Variants in ITIH5 observed in about 807,000 individuals in gnomAD.
ITIH5 encodes the protein inter-alpha-trypsin inhibitor heavy chain 5.
Under a neutral mutation model 77.5 loss-of-function variants are expected in ITIH5, and 65 were observed. That is an observed-to-expected ratio of 0.84 (90% confidence interval 0.69 to 1.03). The LOEUF (loss-of-function observed/expected upper bound fraction) is 1.03, where lower values mean the gene tolerates loss of function less well. Among genes scored for constraint, ITIH5 ranks in the 50% least tolerant of loss-of-function variants. The pLI is 0.00. For missense variants in ITIH5, 1,208 were observed against 1,213.1 expected, an observed-to-expected ratio of 1.00 and a Z score of 0.06; for synonymous variants, 525 against 494.3, an observed-to-expected ratio of 1.06 and a Z score of -0.82.
At chr10:7,590,928 T>A (rs1832781146) in intron 7 of ITIH5, among the ~76,000 whole-genome samples, 1 of 152,204 alleles carries the variant, frequency 6.6e-6, no homozygotes. Context: ...GACAGAGTCT[T>A]GCTCTGTCAC....
chr10:7,607,782 C>A (rs191039341), intron 7 of ITIH5, among the ~76,000 whole-genome samples: 3 of 152,368 alleles, frequency 2.0e-5, no homozygotes, highest in Admixed American at 1.3e-4. Flanking sequence ...CCATTGCACT[C>A]CGGCCTGTGC....
intron 7 of ITIH5, among the ~76,000 whole-genome samples, chr10:7,590,249 T>C (rs4584472): frequency 0.28 from 43,125 of 151,984 alleles, 6,446 homozygotes; most frequent in East Asian, 0.49. Flanking sequence ...GAAGCCTGGA[T>C]GTCAGGCCCT....
intron 7 of ITIH5, among the ~76,000 whole-genome samples, chr10:7,589,707 C>A (rs904147549): frequency 6.6e-6 from 1 of 151,894 alleles, no homozygotes; most frequent in African/African-American, 2.4e-5. Flanking sequence ...CTGACTGCAG[C>A]GGTTTCCCGT....
At chr10:7,577,774 G>T (rs1832455390) in intron 9 of ITIH5, among the ~76,000 whole-genome samples, 1 of 152,172 alleles carries the variant, frequency 6.6e-6, no homozygotes, top group African/African-American at 2.4e-5. Flanking sequence ...TGTGTCTTGG[G>T]ACATGTGACT....
At chr10:7,628,040 C>T (rs1833615549) in intron 5 of ITIH5, among the ~76,000 whole-genome samples, 1 of 151,904 alleles carries the variant, frequency 6.6e-6, no homozygotes, top group South Asian at 2.1e-4. Flanking sequence ...GGGGTTTCGC[C>T]ATGTTGGCCA....
At chr10:7,616,471 A>G (rs1161549684) in intron 6 of ITIH5, among the ~76,000 whole-genome samples, 1 of 152,172 alleles carries the variant, frequency 6.6e-6, no homozygotes, top group African/African-American at 2.4e-5. Context: ...ATAGGTTTTA[A>G]TATCCCCACC....
chr10:7,635,890 T>C (rs1041918475), intron 5 of ITIH5, among the ~76,000 whole-genome samples: 5 of 152,218 alleles, frequency 3.3e-5, no homozygotes, highest in Admixed American at 3.3e-4. Flanking sequence ...TGGGTCATTC[T>C]ATGATTGTGC....
intron 11 of ITIH5, chr10:7,570,367 G>A (rs1564234757): frequency 6.6e-6 from 1 of 152,464 alleles, no homozygotes; most frequent in East Asian, 1.9e-4. Flanking sequence ...TAGGCGGCCA[G>A]GCGCACAGTC....
rs752092484 is a variant in ITIH5, at chr10:7,634,088, C to CAAA, written c.652+3137_652+3139dup. Among the ~76,000 whole-genome samples the CAAA allele has an allele frequency of 3.3e-3, 196 of 59,934 alleles. 3 individuals are homozygous for CAAA. Among genetic ancestry groups the CAAA allele is most frequent in the Non-Finnish European group, 4.2e-3 (137 of 32,474 alleles). 39.3% of individuals were successfully genotyped at this position (59,934 alleles called of 152,430 possible). A position where few individuals can be genotyped will look rare whatever the true frequency, so the allele number is the denominator to read the frequency against. ...TGGGCGACAGAGCAAGACTCCGTCT[C>CAAA]AAAAAAAAAAAAAAAAAAAAAGGAA... On this transcript the variant is annotated intron_variant, in intron 5 of 13. Coordinates refer to ENST00000397146, the MANE Select transcript of ITIH5 (RefSeq NM_030569.7).
intron 8 of ITIH5, among the ~76,000 whole-genome samples, chr10:7,584,116 G>A (rs1832623643): frequency 6.6e-6 from 1 of 152,136 alleles, no homozygotes; most frequent in Non-Finnish European, 1.5e-5. Flanking sequence ...AACCCAGGCA[G>A]TCTGGCTTCC....
chr10:7,600,554 T>C (rs1832993912), intron 7 of ITIH5: 1 of 456,712 alleles, frequency 2.2e-6, no homozygotes, highest in African/African-American at 2.0e-5. Context: ...CCCTTTCCAG[T>C]TACACGTGCA....
chr10:7,599,778 G>C (rs1387560407), intron 7 of ITIH5, among the ~76,000 whole-genome samples: 1 of 152,174 alleles, frequency 6.6e-6, no homozygotes, highest in Non-Finnish European at 1.5e-5. Flanking sequence ...AGTAAACACA[G>C]CATATCCACA....
intron 7 of ITIH5, among the ~76,000 whole-genome samples, chr10:7,609,747 T>C (rs1833203736): frequency 6.6e-6 from 1 of 151,984 alleles, no homozygotes; most frequent in Non-Finnish European, 1.5e-5. Context: ...GGACACAGAG[T>C]GTGGGAACAG....
Position 7,576,838 on chromosome 10 carries a change from G to A in ITIH5, c.1593C>T (p.Thr531=), listed in dbSNP as rs761544511. The A allele has an allele frequency of 3.2e-5, 51 of 1,614,152 alleles. No individual in the cohort carries two copies. Among genetic ancestry groups the A allele is most frequent in the East Asian group, 4.5e-5 (2 of 44,880 alleles). Reference sequence around the variant, plus strand: ...TGATGAATTTCTTACTGTTGCTGGCGGTGACCTCCACGTGCAGGTGATCCA... The same window carrying A: ...TGATGAATTTCTTACTGTTGCTGGCAGTGACCTCCACGTGCAGGTGATCCA... The part of the protein sequence containing the change: ...RKLDHLHVEV[T]ASNSKKFIIL... The change falls in exon 10 of 14, where the codon ACC becomes ACT. Residue 531 remains threonine (T), a synonymous_variant. Coordinates refer to ENST00000397146, the MANE Select transcript of ITIH5 (RefSeq NM_030569.7).
chr10:7,613,497 T>C (rs1170079455), intron 7 of ITIH5, among the ~76,000 whole-genome samples: 1 of 152,198 alleles, frequency 6.6e-6, no homozygotes, highest in Non-Finnish European at 1.5e-5. Flanking sequence ...TTTACTGTGC[T>C]TGAGAAAATA....
chr10:7,660,159 A>G (rs1834253610), intron 1 of ITIH5, among the ~76,000 whole-genome samples: 1 of 152,186 alleles, frequency 6.6e-6, no homozygotes, highest in Non-Finnish European at 1.5e-5. Flanking sequence ...GCCACCAAGG[A>G]CCATACTCTC....
Position 7,559,847 on chromosome 10 carries a change from T to TTTTTG in ITIH5, c.*3231_*3235dup, listed in dbSNP as rs201992976. The TTTTTG allele has an allele frequency of 2.9e-5, 13 of 449,606 alleles. No homozygotes were observed. The highest frequency in any genetic ancestry group is 4.0e-5 in the Non-Finnish European group (9 of 226,266). 27.9% of individuals were successfully genotyped at this position (449,606 alleles called of 1,614,324 possible). On this transcript the variant is annotated 3_prime_UTR_variant, in exon 14 of 14. Transcript: ENST00000397146. ...AAAACACCATCTCTCCCATGTCTTT[T>TTTTTG]TTTTGTTTTGTTTTGTTTTTTTTTG...
intron 4 of ITIH5, among the ~76,000 whole-genome samples, chr10:7,639,181 G>A (rs77516031): frequency 0.068 from 10,385 of 152,196 alleles, 557 homozygotes; most frequent in Admixed American, 0.18. Flanking sequence ...CCAGAGGCAC[G>A]ATGAGGCAAC....
intron 2 of ITIH5, among the ~76,000 whole-genome samples, chr10:7,644,599 C>CATATCACAT (rs914923460): frequency 5.7e-5 from 5 of 87,380 alleles, no homozygotes; most frequent in Admixed American, 4.2e-4. Context: ...ATATATCATA[C>CATATCACAT]ATATCACATA....
Sources: allele counts gnomAD v4.1 joint callset (sites outside exome capture counted in the v4.1 genomes callset), GRCh38; gene constraint gnomAD v4.1.1; transcripts MANE v1.5; gene names NCBI Gene and HGNC (gene_info 2026-07-23, HGNC 2026-07-21).